PTPRR: variants seen among roughly 807,000 people sequenced by gnomAD.
PTPRR encodes receptor-type tyrosine-protein phosphatase R.
In PTPRR, 38 loss-of-function variants were observed where a neutral mutation model predicts 77.2. The observed-to-expected ratio is 0.49, with a 90% CI of 0.38 to 0.65. PTPRR has a LOEUF of 0.65. Among genes scored for constraint, PTPRR ranks in the 30% least tolerant of loss-of-function variants. The pLI, the probability that PTPRR is intolerant of heterozygous loss-of-function variation, is 0.00. For synonymous variants in PTPRR, 299 were observed against 283.1 expected (o/e 1.06, Z -0.57); for missense variants, 744 against 799.2 (o/e 0.93, Z 0.83).
chr12:70,679,691 A>G (rs1887585699), intron 10 of PTPRR, among the ~76,000 whole-genome samples: 1 of 152,078 alleles, frequency 6.6e-6, no homozygotes, highest in Non-Finnish European at 1.5e-5. Flanking sequence ...TTTATCTGGT[A>G]TAAGTGAAGC....
chr12:70,742,753 G>C (rs1284726314), intron 6 of PTPRR, among the ~76,000 whole-genome samples: 1 of 152,188 alleles, frequency 6.6e-6, no homozygotes, highest in Non-Finnish European at 1.5e-5. Flanking sequence ...GGGAGATCCT[G>C]AGTTCTCAGT....
chr12:70,781,342 G>A (rs935364197), intron 2 of PTPRR, among the ~76,000 whole-genome samples: 1 of 152,208 alleles, frequency 6.6e-6, no homozygotes, highest in Non-Finnish European at 1.5e-5. Context: ...GGAGTAGAGA[G>A]GTTCCAAAAG....
chr12:70,643,419 T>A (rs1378800797), intron 13 of PTPRR, among the ~76,000 whole-genome samples: 1 of 151,922 alleles, frequency 6.6e-6, no homozygotes, highest in South Asian at 2.1e-4. Context: ...AGGCAATCCA[T>A]CCACCTCAGC....
chr12:70,730,289 T>A (rs534794550), intron 6 of PTPRR, among the ~76,000 whole-genome samples: 10 of 152,308 alleles, frequency 6.6e-5, no homozygotes, highest in Non-Finnish European at 1.2e-4. Context: ...GGCAGGTGGA[T>A]CACCTCAGGT....
intron 5 of PTPRR, among the ~76,000 whole-genome samples, chr12:70,750,697 T>C (rs1890362638): frequency 6.6e-6 from 1 of 152,156 alleles, no homozygotes; most frequent in Non-Finnish European, 1.5e-5. Context: ...CCCGTCTGTG[T>C]GCTGCGGGTT....
At chr12:70,801,742 A>AATCTATCT (rs150514515) in intron 2 of PTPRR, among the ~76,000 whole-genome samples, 22,529 of 151,628 alleles carry the variant, frequency 0.15, 2,259 homozygotes, top group African/African-American at 0.29. Context: ...CCTTATAATA[A>AATCTATCT]ATCTATCTAT....
chr12:70,813,762 G>A (rs866216162), intron 2 of PTPRR, among the ~76,000 whole-genome samples: 10 of 152,128 alleles, frequency 6.6e-5, no homozygotes, highest in Middle Eastern at 3.2e-3. Context: ...GGCCAAGGAG[G>A]CTAGAATTCT....
chr12:70,837,393 A>G (rs1253159316), intron 2 of PTPRR, among the ~76,000 whole-genome samples: 5 of 152,162 alleles, frequency 3.3e-5, no homozygotes, highest in African/African-American at 1.2e-4. Flanking sequence ...GAAATATTCA[A>G]TTCAGTGGAT....
At chr12:70,840,322 C>T (rs1892375461) in intron 2 of PTPRR, among the ~76,000 whole-genome samples, 1 of 152,138 alleles carries the variant, frequency 6.6e-6, no homozygotes, top group South Asian at 2.1e-4. Context: ...ATTATTCTGA[C>T]GTCCTCTCCT....
intron 6 of PTPRR, among the ~76,000 whole-genome samples, chr12:70,726,624 A>G (rs1234694678): frequency 4.7e-5 from 7 of 149,668 alleles, no homozygotes; most frequent in Admixed American, 4.0e-4. Context: ...TCTGTCACCT[A>G]GGCTGGAGTG....
At chr12:70,690,015 A>T (rs1477675315) in intron 8 of PTPRR, among the ~76,000 whole-genome samples, 1 of 152,196 alleles carries the variant, frequency 6.6e-6, no homozygotes, top group Non-Finnish European at 1.5e-5. Context: ...CGTGACTTTT[A>T]GATCATGAAA....
At position 70,652,384 on chromosome 12, in the gene PTPRR, T is replaced by C. The variant is rs887536089; in HGVS notation, c.1880+4320A>G. ...CTGCTTTTCATAACAACTAGAAGAG[T>C]GTACAACAGAAGGAAGAGACAAGAA... On this transcript the variant is annotated intron_variant, in intron 13 of 13. Coordinates refer to ENST00000283228, the MANE Select transcript of PTPRR (RefSeq NM_002849.4). 2.6e-5 allele frequency among the ~76,000 whole-genome samples: 4 copies of C among 151,698 alleles called. No individual in the cohort carries two copies. In the South Asian group the frequency reaches 8.3e-4, roughly 31 times the overall value.
intron 2 of PTPRR, among the ~76,000 whole-genome samples, chr12:70,831,045 C>T (rs1178516952): frequency 6.6e-6 from 1 of 152,148 alleles, no homozygotes; most frequent in Non-Finnish European, 1.5e-5. Flanking sequence ...CAACTCAACA[C>T]AAGAAGGAGC....
chr12:70,895,180 C>A (rs1026985176), intron 1 of PTPRR, among the ~76,000 whole-genome samples: 2 of 151,580 alleles, frequency 1.3e-5, no homozygotes, highest in Non-Finnish European at 3.0e-5. Flanking sequence ...TAAAAACTAG[C>A]AATTCCTCTA....
chr12:70,909,846 C>A lies in PTPRR; in HGVS notation c.58+10487G>T, dbSNP rs543608231. Among the ~76,000 whole-genome samples, 6 of 152,202 alleles carry A rather than the reference C, an allele frequency of 3.9e-5. No individual in the cohort carries two copies. In the East Asian group the frequency reaches 1.2e-3, roughly 29 times the overall value. On this transcript the variant is annotated intron_variant, in intron 1 of 13. Coordinates refer to ENST00000283228, the MANE Select transcript of PTPRR (RefSeq NM_002849.4). ...ATACTTTGTCAGAAGAAAGGTTGCCCGTGGTGGCAGTGCCTCTGGTGGTTA... is the reference window on the plus strand; with the variant it reads ...ATACTTTGTCAGAAGAAAGGTTGCCAGTGGTGGCAGTGCCTCTGGTGGTTA...
chr12:70,795,979 A>G (rs1891506211), intron 2 of PTPRR, among the ~76,000 whole-genome samples: 1 of 118,896 alleles, frequency 8.4e-6, no homozygotes, highest in South Asian at 3.0e-4. Context: ...GCTGGAGTGC[A>G]GTGGTGCGAT....
chr12:70,866,589 A>T (rs1892854236), intron 2 of PTPRR, among the ~76,000 whole-genome samples: 2 of 152,250 alleles, frequency 1.3e-5, no homozygotes, highest in South Asian at 4.1e-4. Flanking sequence ...TCACAGCCGA[A>T]TTCTACCAAA....
chr12:70,778,313 A>G (rs7133270), intron 2 of PTPRR, among the ~76,000 whole-genome samples: 59,153 of 151,216 alleles, frequency 0.39, 14,413 homozygotes, highest in African/African-American at 0.69. Context: ...TGCCTTTCCC[A>G]CCCCTCATCT....
intron 2 of PTPRR, among the ~76,000 whole-genome samples, chr12:70,854,019 A>G (rs1565719092): frequency 6.6e-6 from 1 of 152,232 alleles, no homozygotes; most frequent in Non-Finnish European, 1.5e-5. Context: ...TACCAGATTT[A>G]GAATAGTGTT....
Sources: gnomAD v4.1 joint callset for allele counts (sites outside exome capture counted in the v4.1 genomes callset) on GRCh38, gnomAD v4.1.1 for gene constraint, MANE v1.5 for transcripts, NCBI Gene and HGNC (gene_info 2026-07-23, HGNC 2026-07-21) for gene names.